Variants in BMP7 observed in about 807,000 individuals in gnomAD.
BMP7 encodes the protein osteogenic protein 1.
Under a neutral mutation model 41.2 loss-of-function variants are expected in BMP7, and 12 were observed. That is an observed-to-expected ratio of 0.29 (90% CI 0.19 to 0.47). The LOEUF (loss-of-function observed/expected upper bound fraction) is 0.47. Among genes scored for constraint, BMP7 ranks in the 20% least tolerant of loss-of-function variants. The pLI, the probability that BMP7 is intolerant of heterozygous loss-of-function variation, is 0.99. For missense variants in BMP7, 467 were observed against 606.0 expected (o/e 0.77, Z 2.41); for synonymous variants, 248 against 250.0 (o/e 0.99, Z 0.07).
chr20:57,231,766 T>G (rs1490305284), intron 1 of BMP7, among the ~76,000 whole-genome samples: 2 of 152,160 alleles, frequency 1.3e-5, no homozygotes, highest in Non-Finnish European at 2.9e-5. Context: ...CCCGCAAACC[T>G]CAGTTCCCTG....
At position 57,246,162 on chromosome 20, in the gene BMP7, G is replaced by A. The variant is rs552206752; in HGVS notation, c.419-17741C>T. On this transcript the variant is annotated intron_variant, in intron 1 of 6. Transcript: ENST00000395863. Reference sequence around the variant, plus strand: ...TTGATTTCTGTGCTGTTCTGCACACGTTACACCTCAATAAGCAGTTTCATT... The same window carrying A: ...TTGATTTCTGTGCTGTTCTGCACACATTACACCTCAATAAGCAGTTTCATT... Among the ~76,000 whole-genome samples the A allele has an allele frequency of 5.3e-5, 8 of 152,238 alleles. No individual in the cohort carries two copies. The South Asian group carries it at 1.5e-3, about 28-fold the overall frequency.
chr20:57,234,807 T>C (rs1022369132), intron 1 of BMP7, among the ~76,000 whole-genome samples: 1 of 152,250 alleles, frequency 6.6e-6, no homozygotes, highest in African/African-American at 2.4e-5. Flanking sequence ...CTCCACAGCC[T>C]GATGCTTAGC....
intron 1 of BMP7, among the ~76,000 whole-genome samples, chr20:57,240,128 A>G (rs192771080): frequency 1.5e-4 from 23 of 152,288 alleles, no homozygotes; most frequent in African/African-American, 5.3e-4. Flanking sequence ...AATTTTCTGA[A>G]CTTTTATGCT....
At position 57,259,645 on chromosome 20, in the gene BMP7, C is replaced by T. The variant is rs2066146240; in HGVS notation, c.418+6060G>A. 6.6e-6 allele frequency among the ~76,000 whole-genome samples: 1 copy of T among 152,230 alleles called. No individual in the cohort carries two copies. The highest frequency in any genetic ancestry group is 1.5e-5 in the Non-Finnish European group (1 of 68,044). On this transcript the variant is annotated intron_variant, in intron 1 of 6. Transcript: ENST00000395863. The surrounding 1 kb of genome is among the most constrained non-coding windows in gnomAD (Gnocchi z 4.7). Reference sequence around the variant, plus strand: ...TCCACTCCACGCGGATCAGCACAGGCTTTGCGCGGCTCCCCACAATGCCTT... The same window carrying T: ...TCCACTCCACGCGGATCAGCACAGGTTTTGCGCGGCTCCCCACAATGCCTT...
chr20:57,177,851 C>T (rs1983968730), intron 4 of BMP7: 1 of 152,184 alleles, frequency 6.6e-6, no homozygotes, highest in South Asian at 2.1e-4. Flanking sequence ...GGTGCCCTGC[C>T]CTCGCGGCCT....
intron 1 of BMP7, among the ~76,000 whole-genome samples, chr20:57,258,330 G>T (rs1048736001): frequency 6.6e-6 from 1 of 152,118 alleles, no homozygotes; most frequent in Non-Finnish European, 1.5e-5. Context: ...ATCCACACAG[G>T]GCTTTGTTGT....
intron 3 of BMP7, among the ~76,000 whole-genome samples, chr20:57,199,857 T>A (rs188307236): frequency 6.6e-6 from 1 of 152,274 alleles, no homozygotes; most frequent in East Asian, 1.9e-4. Context: ...ACAAGCCAAG[T>A]CACTGGGCGG....
At chr20:57,258,121 G>C (rs1188713938) in intron 1 of BMP7, among the ~76,000 whole-genome samples, 1 of 152,186 alleles carries the variant, frequency 6.6e-6, no homozygotes, top group Non-Finnish European at 1.5e-5. Context: ...GCTACTCCAG[G>C]GAGATAAAGA....
chr20:57,232,770 C>T (rs1335441569), intron 1 of BMP7, among the ~76,000 whole-genome samples: 9 of 151,886 alleles, frequency 5.9e-5, no homozygotes, highest in Non-Finnish European at 8.8e-5. Context: ...GACAATGTTA[C>T]TCTATTCTCC....
chr20:57,172,210 C>A (rs1386871549), intron 6 of BMP7, among the ~76,000 whole-genome samples: 2 of 152,154 alleles, frequency 1.3e-5, no homozygotes, highest in Non-Finnish European at 2.9e-5. Flanking sequence ...CACAGCACAT[C>A]CAGGCCAGGG....
At chr20:57,252,530 A>C (rs1038786862) in intron 1 of BMP7, among the ~76,000 whole-genome samples, 3 of 152,232 alleles carry the variant, frequency 2.0e-5, no homozygotes, top group Non-Finnish European at 4.4e-5. Context: ...CCAGTCCTCG[A>C]TGTGTGTTTA....
Position 57,265,569 on chromosome 20 carries a change from G to C in BMP7, c.418+136C>G, listed in dbSNP as rs2066173397. 2.2e-6 allele frequency: 3 copies of C among 1,382,480 alleles called. No homozygotes were observed. In the South Asian group the frequency reaches 3.7e-5, roughly 17 times the overall value. The allele number at this position is 1,382,480 out of a possible 1,614,324, so 85.6% of individuals were successfully genotyped here. A position where few individuals can be genotyped will look rare whatever the true frequency, so the allele number is the denominator to read the frequency against. ...TTGGGAGTCATAGGGCTGTGGGTGG[G>C]AGACCCTCGGGCAGGCACTGCGATT... On this transcript the variant is annotated intron_variant, in intron 1 of 6. Transcript: ENST00000395863.
intron 1 of BMP7, among the ~76,000 whole-genome samples, chr20:57,243,400 A>G (rs991755613): frequency 6.6e-6 from 1 of 152,018 alleles, no homozygotes; most frequent in African/African-American, 2.4e-5. Flanking sequence ...AATCGCTTGA[A>G]CCCAGGAGGC....
At chr20:57,231,131 C>T (rs1457176081) in intron 1 of BMP7, among the ~76,000 whole-genome samples, 1 of 152,224 alleles carries the variant, frequency 6.6e-6, no homozygotes, top group Non-Finnish European at 1.5e-5. Flanking sequence ...TTAGCTTCGC[C>T]TGTTTTTGAA....
chr20:57,189,179 A>G (rs1179788766), intron 3 of BMP7, among the ~76,000 whole-genome samples: 1 of 152,240 alleles, frequency 6.6e-6, no homozygotes, highest in Non-Finnish European at 1.5e-5. Context: ...AAGAAATTGG[A>G]CTGAAATACT....
intron 2 of BMP7, among the ~76,000 whole-genome samples, chr20:57,225,474 G>T (rs1176638848): frequency 6.6e-6 from 1 of 152,072 alleles, no homozygotes; most frequent in African/African-American, 2.4e-5. Context: ...TTGTAAGTAT[G>T]TCACCCCCTT....
At chr20:57,265,115 T>C (rs528155364) in intron 1 of BMP7, among the ~76,000 whole-genome samples, 3 of 150,278 alleles carry the variant, frequency 2.0e-5, no homozygotes, top group East Asian at 3.9e-4. Flanking sequence ...AAATTAGCAA[T>C]GGCACCGTTT....
rs535262334 is a variant in BMP7, at chr20:57,211,716, C to CA, written c.612-9094dup. ...AAGCTGTGACAGCGAAAGCAGGGGTCAGGGTGGTGTGACTGCGGCTGGGAA... is the reference window on the plus strand; with the variant it reads ...AAGCTGTGACAGCGAAAGCAGGGGTCAAGGGTGGTGTGACTGCGGCTGGGAA... On this transcript the variant is annotated intron_variant, in intron 2 of 6. Coordinates refer to ENST00000395863, the MANE Select transcript of BMP7 (RefSeq NM_001719.3). Among the ~76,000 whole-genome samples, 141 of 152,254 alleles carry CA rather than the reference C, an allele frequency of 9.3e-4. 1 individual carries two copies. The highest frequency in any genetic ancestry group is 2.4e-3 in the Admixed American group (37 of 15,302).
At chr20:57,243,428 G>A (rs1023273958) in intron 1 of BMP7, among the ~76,000 whole-genome samples, 6 of 152,088 alleles carry the variant, frequency 3.9e-5, no homozygotes. Flanking sequence ...GCAGTGAGCT[G>A]AGATCGTACC....
Sources: allele counts gnomAD v4.1 joint callset (sites outside exome capture counted in the v4.1 genomes callset), GRCh38; gene constraint gnomAD v4.1.1; non-coding constraint Gnocchi (gnomAD v3.1); transcripts MANE v1.5; gene names NCBI Gene and HGNC (gene_info 2026-07-23, HGNC 2026-07-21).